Variants in PLCB4 observed in about 807,000 individuals in gnomAD.
PLCB4 encodes phospholipase C beta 4.
In PLCB4, 77 loss-of-function variants were observed where a neutral mutation model predicts 178.8. The ratio of observed to expected loss-of-function variants is 0.43; its 90% CI spans 0.36 to 0.52. The LOEUF (loss-of-function observed/expected upper bound fraction) is 0.52, where lower values mean the gene tolerates loss of function less well. Ranked by LOEUF, PLCB4 falls within the 20% of genes least tolerant of loss-of-function variation. The pLI, the probability that PLCB4 is intolerant of heterozygous loss-of-function variation, is 0.00. For missense variants in PLCB4, 1,024 were observed against 1,453.4 expected (o/e 0.70, Z 4.80); for synonymous variants, 496 against 490.8 (o/e 1.01, Z -0.14).
intron 2 of PLCB4, among the ~76,000 whole-genome samples, chr20:9,152,059 C>T (rs575367088): frequency 1.4e-4 from 22 of 152,158 alleles, no homozygotes; most frequent in South Asian, 4.2e-4. Flanking sequence ...AGATAATATA[C>T]GGTATCTGGT....
rs11468073 is a variant in PLCB4 at position 9,411,721 on chromosome 20, T to TA, written c.2051+646dup. Among the ~76,000 whole-genome samples, 546 of 143,236 alleles carry TA rather than the reference T, an allele frequency of 3.8e-3. 2 individuals carry two copies. The highest frequency in any genetic ancestry group is 7.5e-3 in the African/African-American group (305 of 40,582). The allele number at this position is 143,236 out of a possible 152,430, so 94.0% of individuals were successfully genotyped here. On this transcript the variant is annotated intron_variant, in intron 25 of 39. Transcript: ENST00000378473. ...ATATAAAATTAGAATTCTCTTGAGATAAAAAAAAAAAAACACAACTATGTG... is the reference window on the plus strand; with the variant it reads ...ATATAAAATTAGAATTCTCTTGAGATAAAAAAAAAAAAAACACAACTATGTG...
chr20:9,400,695 G>A (rs1206545288), intron 19 of PLCB4, among the ~76,000 whole-genome samples: 1 of 152,176 alleles, frequency 6.6e-6, no homozygotes. Context: ...ACTGCAAATA[G>A]TGATTGTGTG....
chr20:9,337,867 G>T, intron 5 of PLCB4, 141 bp from the exon 6 acceptor site: 1 of 566,174 alleles, frequency 1.8e-6, no homozygotes, highest in Non-Finnish European at 3.2e-6. Flanking sequence ...AATAATTATT[G>T]TTACATGGTT....
At chr20:9,105,004 C>T (rs1248216107) in intron 2 of PLCB4, among the ~76,000 whole-genome samples, 1 of 151,700 alleles carries the variant, frequency 6.6e-6, no homozygotes, top group Non-Finnish European at 1.5e-5. Flanking sequence ...TCTTTAGTTG[C>T]TCTGATATCT....
chr20:9,424,782 A>G (rs912311206), intron 28 of PLCB4, among the ~76,000 whole-genome samples: 4 of 152,178 alleles, frequency 2.6e-5, no homozygotes, highest in African/African-American at 9.7e-5. Flanking sequence ...TCAGAAATGT[A>G]TGAGCGCATG....
At position 9,256,438 on chromosome 20, in the gene PLCB4, A is replaced by G. The variant is rs1189713036; in HGVS notation, c.-16+38986A>G. On this transcript the variant is annotated intron_variant, in intron 3 of 39. Coordinates refer to ENST00000378473, the MANE Select transcript of PLCB4 (RefSeq NM_001377142.1). ...GAATTGTCTCTCTTAGAGAAGTAGA[A>G]ACTTACCCCTGCAAATCTCGACATT... Among the ~76,000 whole-genome samples the G allele has an allele frequency of 2.6e-5, 4 of 152,240 alleles. No homozygotes were observed. In the South Asian group the frequency reaches 6.2e-4, roughly 24 times the overall value.
intron 4 of PLCB4, among the ~76,000 whole-genome samples, chr20:9,312,402 G>T (rs1241568184): frequency 7.3e-6 from 1 of 136,398 alleles, no homozygotes; most frequent in Non-Finnish European, 1.6e-5. Context: ...ACACACGCAC[G>T]CACTCACACA....
At chr20:9,287,495 A>G (rs6056515) in intron 3 of PLCB4, among the ~76,000 whole-genome samples, 14,627 of 152,070 alleles carry the variant, frequency 0.096, 1,239 homozygotes, top group East Asian at 0.32. Flanking sequence ...TATAGAGTTA[A>G]TCTCTAAGAA....
At chr20:9,218,307 A>G (rs1000492505) in intron 3 of PLCB4, among the ~76,000 whole-genome samples, 2 of 152,092 alleles carry the variant, frequency 1.3e-5, no homozygotes, top group Non-Finnish European at 2.9e-5. Flanking sequence ...GAGTTTCACC[A>G]TGTTAGTCAG....
chr20:9,383,572 G>A (rs181939538), intron 13 of PLCB4, among the ~76,000 whole-genome samples: 3 of 152,204 alleles, frequency 2.0e-5, no homozygotes, highest in Admixed American at 6.5e-5. Flanking sequence ...CGAAATGAAG[G>A]GTGGCTTTTG....
At chr20:9,158,282 T>C (rs2092823782) in intron 2 of PLCB4, among the ~76,000 whole-genome samples, 1 of 152,098 alleles carries the variant, frequency 6.6e-6, no homozygotes, top group Admixed American at 6.6e-5. Flanking sequence ...CTTTTTTTTT[T>C]TGAGACAGAG....
At chr20:9,363,020 CAA>C (rs1269372773) in intron 8 of PLCB4, 45 bp downstream of exon 8, 15 of 1,355,906 alleles carry the variant, frequency 1.1e-5, no homozygotes, top group Non-Finnish European at 1.5e-5. Flanking sequence ...AGTTATCAAA[CAA>C]ATGGTCAGAT....
At chr20:9,170,091 T>G (rs1022556845) in intron 2 of PLCB4, among the ~76,000 whole-genome samples, 1 of 152,208 alleles carries the variant, frequency 6.6e-6, no homozygotes, top group African/African-American at 2.4e-5. Flanking sequence ...TGGCAAGATA[T>G]AGAACATTAC....
intron 2 of PLCB4, among the ~76,000 whole-genome samples, chr20:9,099,864 T>C (rs1256967773): frequency 1.3e-5 from 2 of 152,208 alleles, no homozygotes; most frequent in African/African-American, 4.8e-5. Context: ...CAGGGGTCCA[T>C]GTGCCAGTTT....
chr20:9,083,975 A>C (rs1293967167), intron 1 of PLCB4, among the ~76,000 whole-genome samples: 1 of 152,194 alleles, frequency 6.6e-6, no homozygotes, highest in Non-Finnish European at 1.5e-5. Flanking sequence ...AATACAGTGG[A>C]GGGTTTCTTT....
rs913307290 is a variant in PLCB4, at chr20:9,385,283, G to A, written c.1064+872G>A. ...TCCCCCTTTTCTTTTCGACAAAACC[G>A]CCATCGTCATCATGGCCCGTTCTCG... On this transcript the variant is annotated intron_variant, in intron 14 of 39. Transcript: ENST00000378473. Among the ~76,000 whole-genome samples the A allele has an allele frequency of 6.6e-5, 10 of 151,846 alleles. No homozygotes were observed. In the East Asian group the frequency reaches 7.7e-4, roughly 12 times the overall value.
At chr20:9,320,626 G>T (rs1017553702) in intron 4 of PLCB4, among the ~76,000 whole-genome samples, 1 of 152,138 alleles carries the variant, frequency 6.6e-6, no homozygotes, top group Non-Finnish European at 1.5e-5. Flanking sequence ...TTTCACTTAA[G>T]CCTCGAAACA....
intron 3 of PLCB4, among the ~76,000 whole-genome samples, chr20:9,230,201 A>G (rs370981450): frequency 6.6e-6 from 1 of 152,164 alleles, no homozygotes; most frequent in Non-Finnish European, 1.5e-5. Flanking sequence ...AAAAACACCA[A>G]TCACACTGGA....
chr20:9,272,545 C>T (rs994833019), intron 3 of PLCB4, among the ~76,000 whole-genome samples: 1 of 152,072 alleles, frequency 6.6e-6, no homozygotes, highest in African/African-American at 2.4e-5. Context: ...CCTCCTCCAC[C>T]CTGAATTACA....
Sources: allele counts gnomAD v4.1 joint callset (sites outside exome capture counted in the v4.1 genomes callset), GRCh38; gene constraint gnomAD v4.1.1; transcripts MANE v1.5; gene names NCBI Gene and HGNC (gene_info 2026-07-23, HGNC 2026-07-21).